The following DLGAP2 variants were observed in gnomAD, a reference collection of about 807,000 sequenced individuals.
The protein encoded by DLGAP2 is DLG associated protein 2.
A neutral mutation model predicts 100.3 loss-of-function variants in DLGAP2; 26 were observed. The observed-to-expected ratio is 0.26, with a 90% CI of 0.19 to 0.36. The LOEUF is 0.36. Among genes scored for constraint, DLGAP2 ranks in the 10% least tolerant of loss-of-function variants. DLGAP2 has a pLI of 1.00. For synonymous variants in DLGAP2, 886 were observed against 630.1 expected, an observed-to-expected ratio of 1.41 and a Z score of -6.08; for missense variants, 1,858 against 1,453.2, an observed-to-expected ratio of 1.28 and a Z score of -4.53.
At chr8:1,120,436 C>G (rs1238667031) in intron 2 of DLGAP2, among the ~76,000 whole-genome samples, 1 of 152,240 alleles carries the variant, frequency 6.6e-6, no homozygotes, top group Non-Finnish European at 1.5e-5. Flanking sequence ...GAATCCATGA[C>G]TGTCCATTCT....
intron 2 of DLGAP2, among the ~76,000 whole-genome samples, chr8:1,206,351 G>T (rs80225665): frequency 7.5e-6 from 1 of 132,932 alleles, no homozygotes. Context: ...TTAATCTCCA[G>T]CCATCCGTGG....
chr8:1,260,277 G>C (rs535987368), intron 3 of DLGAP2, among the ~76,000 whole-genome samples: 154 of 152,036 alleles, frequency 1.0e-3, no homozygotes, highest in Non-Finnish European at 1.3e-3. Flanking sequence ...ATCATGCTTT[G>C]AGTTCATTTT....
chr8:1,216,016 C>G (rs117062609), intron 2 of DLGAP2, among the ~76,000 whole-genome samples: 1 of 152,164 alleles, frequency 6.6e-6, no homozygotes. Context: ...GACGTCTAGG[C>G]TCATGCAGTG....
intron 5 of DLGAP2, among the ~76,000 whole-genome samples, chr8:1,551,903 A>G (rs1284300583): frequency 1.3e-5 from 2 of 152,202 alleles, no homozygotes; most frequent in African/African-American, 4.8e-5. Context: ...TATTTGAATC[A>G]GGATCCAGAG....
chr8:1,084,558 C>T (rs149013505), intron 2 of DLGAP2, among the ~76,000 whole-genome samples: 1 of 152,176 alleles, frequency 6.6e-6, no homozygotes, highest in Admixed American at 6.5e-5. Context: ...CTCGGGTGAC[C>T]ACCCTTCTCC....
At chr8:1,675,852 C>G (rs1798799109) in intron 10 of DLGAP2, among the ~76,000 whole-genome samples, 1 of 151,048 alleles carries the variant, frequency 6.6e-6, no homozygotes. Flanking sequence ...AGAGAACGTA[C>G]TGTACTAGAA....
chr8:1,501,249 C>T (rs1363950427), intron 3 of DLGAP2, 117 bp from the exon 4 acceptor site: 1 of 1,093,346 alleles, frequency 9.1e-7, no homozygotes, highest in African/African-American at 1.6e-5. Context: ...TGAAGAAATA[C>T]AAAGGTGTCT....
chr8:1,079,038 T>G (rs1034977934), intron 2 of DLGAP2, among the ~76,000 whole-genome samples: 2 of 152,232 alleles, frequency 1.3e-5, no homozygotes, highest in African/African-American at 4.8e-5. Context: ...GGAGAGTTCC[T>G]GTTGCTCCAT....
intron 3 of DLGAP2, among the ~76,000 whole-genome samples, chr8:1,336,191 C>T (rs1801269006): frequency 6.6e-6 from 1 of 152,230 alleles, no homozygotes; most frequent in South Asian, 2.1e-4. Flanking sequence ...ATAATGTATT[C>T]AATGAATGGT....
At chr8:1,373,318 A>G (rs1038765924) in intron 3 of DLGAP2, among the ~76,000 whole-genome samples, 4 of 141,538 alleles carry the variant, frequency 2.8e-5, no homozygotes, top group Non-Finnish European at 4.9e-5. Flanking sequence ...GCGGCAGCTG[A>G]CGGGCGGGCC....
intron 3 of DLGAP2, among the ~76,000 whole-genome samples, chr8:1,305,875 G>A (rs778704234): frequency 1.7e-4 from 26 of 152,104 alleles, no homozygotes; most frequent in Non-Finnish European, 3.5e-4. Context: ...GCCCTTGCCT[G>A]CCCTCTACTT....
chr8:881,170 G>T (rs1797783672), intron 1 of DLGAP2, among the ~76,000 whole-genome samples: 1 of 152,158 alleles, frequency 6.6e-6, no homozygotes, highest in East Asian at 1.9e-4. Context: ...AACAATTCAG[G>T]AAAGTTAAGC....
intron 2 of DLGAP2, among the ~76,000 whole-genome samples, chr8:1,236,488 C>G (rs372546879): frequency 1.3e-4 from 4 of 30,598 alleles, no homozygotes; most frequent in African/African-American, 2.0e-4. Flanking sequence ...GTCTAGTTCT[C>G]TCTCACACAG....
chr8:1,096,045 A>G (rs547184536), intron 2 of DLGAP2, among the ~76,000 whole-genome samples: 1 of 152,362 alleles, frequency 6.6e-6, no homozygotes, highest in South Asian at 2.1e-4. Context: ...TTCAGTGTAA[A>G]CATTGTTCAA....
At chr8:870,846 C>A (rs1286607291) in intron 1 of DLGAP2, among the ~76,000 whole-genome samples, 1 of 152,114 alleles carries the variant, frequency 6.6e-6, no homozygotes, top group Non-Finnish European at 1.5e-5. Flanking sequence ...GCTCTCTTTC[C>A]CTCACCGCTG....
chr8:1,351,667 G>A (rs1801729263), intron 3 of DLGAP2, among the ~76,000 whole-genome samples: 1 of 73,692 alleles, frequency 1.4e-5, no homozygotes, highest in Admixed American at 1.6e-4. Context: ...GGTCCTGACT[G>A]TGTGTGGAAC....
intron 1 of DLGAP2, among the ~76,000 whole-genome samples, chr8:765,720 T>A (rs1821194614): frequency 6.6e-6 from 1 of 152,188 alleles, no homozygotes; most frequent in Non-Finnish European, 1.5e-5. Context: ...TGCCTTCACC[T>A]CGTTGCTCTG....
chr8:1,421,492 C>T (rs375540970), intron 3 of DLGAP2, among the ~76,000 whole-genome samples: 12 of 152,218 alleles, frequency 7.9e-5, no homozygotes, highest in Non-Finnish European at 1.3e-4. Flanking sequence ...TTTCATGCTA[C>T]GTACTCAGCC....
intron 2 of DLGAP2, among the ~76,000 whole-genome samples, chr8:960,520 C>T (rs1799701821): frequency 6.6e-6 from 1 of 152,048 alleles, no homozygotes; most frequent in African/African-American, 2.4e-5. Context: ...CAAGCATGGG[C>T]CACCACTCCC....
Sources: allele counts gnomAD v4.1 joint callset (sites outside exome capture counted in the v4.1 genomes callset), GRCh38; gene constraint gnomAD v4.1.1; transcripts MANE v1.5; gene names NCBI Gene and HGNC (gene_info 2026-07-23, HGNC 2026-07-21).